Variants in REXO1 observed in about 807,000 individuals in gnomAD.
REXO1 encodes REX1, RNA exonuclease 1 homolog.
Under a neutral mutation model 102.6 loss-of-function variants are expected in REXO1, and 42 were observed. The observed-to-expected ratio is 0.41, with a 90% CI of 0.32 to 0.53. REXO1 has a LOEUF of 0.53. Among genes scored for constraint, REXO1 ranks in the 20% least tolerant of loss-of-function variants. The probability of loss-of-function intolerance (pLI) is 0.27; values close to 1 mark genes in which losing one functional copy is unlikely to be tolerated. For missense variants in REXO1, 1,819 were observed against 1,732.5 expected, an observed-to-expected ratio of 1.05 and a Z score of -0.89; for synonymous variants, 908 against 779.1, an observed-to-expected ratio of 1.17 and a Z score of -2.76.
intron 1 of REXO1, among the ~76,000 whole-genome samples, chr19:1,841,472 G>C (rs1181130868): frequency 6.6e-6 from 1 of 152,244 alleles, no homozygotes; most frequent in Non-Finnish European, 1.5e-5. Flanking sequence ...ACACTCAGAT[G>C]CCACGACCCC....
chr19:1,820,964 A>G (rs1348629414), intron 5 of REXO1, among the ~76,000 whole-genome samples: 2 of 150,550 alleles, frequency 1.3e-5, no homozygotes, highest in Admixed American at 6.6e-5. Context: ...GCGCCCCTGC[A>G]CTCTAGCCTG....
In REXO1 at chr19:1,827,625, G is replaced by A. The variant is rs527363346; in HGVS notation, c.1164C>T (p.Ser388=). The change falls in exon 2 of 16, where the codon AGC becomes AGT. Residue 388 remains serine (S), a synonymous_variant. Transcript: ENST00000170168. ...KKKTGAPPAP[S]CKDGAQGKDK... ...CCTTCCCCTGGGCCCCGTCTTTGCAGCTGGGGGCAGGTGGGGCCCCGGTTT... is the reference window on the plus strand; with the variant it reads ...CCTTCCCCTGGGCCCCGTCTTTGCAACTGGGGGCAGGTGGGGCCCCGGTTT... 1.0e-4 allele frequency: 163 copies of A among 1,575,878 alleles called. 1 individual carries two copies. The East Asian group carries it at 3.2e-3, about 30-fold the overall frequency.
intron 1 of REXO1, among the ~76,000 whole-genome samples, chr19:1,835,529 C>CA (rs1426590222): frequency 2.6e-5 from 4 of 152,154 alleles, no homozygotes; most frequent in Non-Finnish European, 2.9e-5. Flanking sequence ...ACCTGGGCGA[C>CA]AGAGCTATAC....
At chr19:1,823,835 A>T in intron 3 of REXO1, 50 bp from the exon 4 acceptor site, 2 of 895,604 alleles carry the variant, frequency 2.2e-6, no homozygotes, top group Non-Finnish European at 2.9e-6. Flanking sequence ...GGGCACCTGG[A>T]GCAGGCGACC....
Position 1,823,586 on chromosome 19 carries a change from G to T in REXO1, c.2216C>A (p.Pro739His), listed in dbSNP as rs868615323. ...EKRRIAHIPN[P>H]RLAAAPTGAK... ...CCAGGACTCACCTGCAGCCAGGCGG[G>T]GGTTGGGGATGTGGGCGATCCTCCT... The change falls in exon 4 of 16, where the codon CCC becomes CAC. Residue 739 changes from proline (P) to histidine (H), a missense_variant. By Grantham distance (77) the Pro-to-His change is moderately conservative (BLOSUM62 -2). Coordinates refer to ENST00000170168, the MANE Select transcript of REXO1 (RefSeq NM_020695.4). 7.6e-7 allele frequency: 1 copy of T among 1,319,392 alleles called. No homozygotes were observed. Among genetic ancestry groups the T allele is most frequent in the East Asian group, 3.0e-5 (1 of 33,310 alleles). 81.7% of individuals were successfully genotyped at this position (1,319,392 alleles called of 1,614,324 possible).
At chr19:1,835,188 C>T (rs1182331180) in intron 1 of REXO1, among the ~76,000 whole-genome samples, 1 of 152,260 alleles carries the variant, frequency 6.6e-6, no homozygotes, top group Middle Eastern at 3.4e-3. Flanking sequence ...CTGGAAAGGC[C>T]CCAGGGTGGC....
chr19:1,838,479 G>T (rs140742257), intron 1 of REXO1, among the ~76,000 whole-genome samples: 2 of 151,536 alleles, frequency 1.3e-5, no homozygotes, highest in Non-Finnish European at 2.9e-5. Context: ...AAATTAGCCA[G>T]CTGTGGTGGC....
Position 1,827,551 on chromosome 19 carries a change from G to A in REXO1, c.1238C>T (p.Ala413Val), listed in dbSNP as rs771264234. 39 of 1,593,630 alleles carry A rather than the reference G, an allele frequency of 2.4e-5. No homozygotes were observed. The highest frequency in any genetic ancestry group is 8.2e-5 in the African/African-American group (6 of 73,334). ...GRGRPVEKPR[A>V]DKKGPQASSP... is the part of the protein sequence containing the mutation. Reference sequence around the variant, plus strand: ...GCTGGCCTGCGGGCCCTTCTTGTCCGCACGGGGCTTCTCCACAGGCCGCCC... The same window carrying A: ...GCTGGCCTGCGGGCCCTTCTTGTCCACACGGGGCTTCTCCACAGGCCGCCC... The change falls in exon 2 of 16, where the codon GCG becomes GTG. Residue 413 changes from alanine (A) to valine (V), a missense_variant. Coordinates refer to ENST00000170168, the MANE Select transcript of REXO1 (RefSeq NM_020695.4).
At chr19:1,817,429 A>C in intron 11 of REXO1, 100 bp from the exon 12 acceptor site, 1 of 1,536,818 alleles carries the variant, frequency 6.5e-7, no homozygotes, top group East Asian at 2.4e-5. Context: ...CATCCTATCC[A>C]TCCATCACGC....
In REXO1 at chr19:1,827,157, G is replaced by A. The variant is rs1283382670; in HGVS notation, c.1632C>T (p.Pro544=). 1.3e-6 allele frequency: 2 copies of A among 1,541,814 alleles called. No individual in the cohort carries two copies. The highest frequency in any genetic ancestry group is 1.7e-6 in the Non-Finnish European group (2 of 1,146,484). Residue 544 remains proline, a synonymous_variant, in exon 2 of 16, where the codon CCC becomes CCT. Coordinates refer to ENST00000170168, the MANE Select transcript of REXO1 (RefSeq NM_020695.4). ...GVPSVWPSAL[P]SLSSDSDSDS... is the part of the protein sequence containing the mutation. ...CGGAGTCTGAGTCCGAGCTGAGGCT[G>A]GGGAGGGCAGAGGGCCACACGCTCG...
At chr19:1,841,287 C>A (rs541727890) in intron 1 of REXO1, among the ~76,000 whole-genome samples, 2 of 152,366 alleles carry the variant, frequency 1.3e-5, no homozygotes, top group South Asian at 4.1e-4. Context: ...GCGCGGACAG[C>A]GTAAGGAACA....
intron 3 of REXO1, among the ~76,000 whole-genome samples, chr19:1,824,843 T>C (rs1248033654): frequency 1.3e-5 from 2 of 152,002 alleles, no homozygotes; most frequent in Non-Finnish European, 2.9e-5. Context: ...TGGAGCGCAA[T>C]GGCACGATCT....
intron 1 of REXO1, among the ~76,000 whole-genome samples, chr19:1,841,985 T>A (rs543374320): frequency 4.4e-4 from 66 of 151,540 alleles, no homozygotes; most frequent in Non-Finnish European, 8.0e-4. Flanking sequence ...CTGAGGCGGG[T>A]GGATCACTTG....
intron 1 of REXO1, among the ~76,000 whole-genome samples, chr19:1,831,347 C>T (rs554541953): frequency 6.6e-6 from 1 of 152,304 alleles, no homozygotes; most frequent in African/African-American, 2.4e-5. Context: ...ACTCAGAAAA[C>T]CTGCCTGCCC....
At position 1,848,195 on chromosome 19, in the gene REXO1, G is replaced by A; in HGVS notation, c.157+7C>T. On this transcript the variant is annotated splice_region_variant and intron_variant, in intron 1 of 15. Transcript: ENST00000170168. ...GAGCCCAAGGCAAGCAGGCGGGCGG[G>A]CATTACCTGCTGCGGGGGGCGCCTC... 8.3e-7 allele frequency: 1 copy of A among 1,208,306 alleles called. No individual in the cohort carries two copies. The highest frequency in any genetic ancestry group is 1.0e-6 in the Non-Finnish European group (1 of 966,568). The allele number at this position is 1,208,306 out of a possible 1,614,324, so 74.8% of individuals were successfully genotyped here.
chr19:1,820,312 G>T lies in REXO1; in HGVS notation c.2478C>A (p.Ile826=). ...VIRQRYLNLF[I]EECLKFCTSN... ...AGGTACAGAACTTGAGACACTCCTC[G>T]ATGAACAGGTTGAGATAGCGCTGGC... Residue 826 remains isoleucine (I), a synonymous_variant, in exon 6 of 16, where the codon ATC becomes ATA. Transcript: ENST00000170168. 6.2e-7 allele frequency: 1 copy of T among 1,613,968 alleles called. No homozygotes were observed. The highest frequency in any genetic ancestry group is 8.5e-7 in the Non-Finnish European group (1 of 1,179,998).
chr19:1,825,481 A>ATT (rs35177119), intron 3 of REXO1, among the ~76,000 whole-genome samples: 173 of 145,520 alleles, frequency 1.2e-3, no homozygotes, highest in East Asian at 4.9e-3. Context: ...TTTTTTTATA[A>ATT]TTTTTTTTTT....
intron 1 of REXO1, among the ~76,000 whole-genome samples, chr19:1,836,706 A>G (rs559148408): frequency 7.2e-6 from 1 of 139,400 alleles, no homozygotes; most frequent in Non-Finnish European, 1.5e-5. Context: ...AGATTACGCC[A>G]TCGCACTGCA....
chr19:1,845,447 T>C (rs2011493791), intron 1 of REXO1, among the ~76,000 whole-genome samples: 1 of 152,116 alleles, frequency 6.6e-6, no homozygotes, highest in South Asian at 2.1e-4. Context: ...GAGGATCGCT[T>C]GAGTCCAGGA....
Sources: allele counts gnomAD v4.1 joint callset (sites outside exome capture counted in the v4.1 genomes callset), GRCh38; gene constraint gnomAD v4.1.1; transcripts MANE v1.5; gene names NCBI Gene and HGNC (gene_info 2026-07-23, HGNC 2026-07-21).